CRTAP: variants seen among roughly 807,000 people sequenced by gnomAD.
CRTAP encodes cartilage associated protein, also known as cartilage-associated protein.
A neutral mutation model predicts 42.7 loss-of-function variants in CRTAP; 33 were observed. The observed-to-expected ratio is 0.77, with a 90% CI of 0.59 to 1.03. The LOEUF (loss-of-function observed/expected upper bound fraction) is 1.03, where lower values mean the gene tolerates loss of function less well. CRTAP is among the 50% of genes least tolerant of loss of function. The pLI is 0.00. For missense variants in CRTAP, 613 were observed against 533.9 expected (o/e 1.15, Z -1.46); for synonymous variants, 243 against 217.7 (o/e 1.12, Z -1.02).
At chr3:33,134,298 C>T in intron 6 of CRTAP, 33 bp downstream of exon 6, 1 of 1,386,270 alleles carries the variant, frequency 7.2e-7, no homozygotes, top group Non-Finnish European at 1.0e-6. Context: ...TGTCTGGTGG[C>T]TACGAGAAAA....
Position 33,132,652 on chromosome 3 carries a change from C to G in CRTAP, c.1020C>G (p.Tyr340Ter), listed in dbSNP as rs768954904. The change falls in exon 5 of 7, where the codon TAC (tyrosine) becomes TAG (stop). Residue 340 changes from tyrosine (Y) to a stop codon, truncating the protein, a stop_gained. Coordinates refer to ENST00000320954, the MANE Select transcript of CRTAP (RefSeq NM_006371.5). LOFTEE classifies it high-confidence loss of function. The stretch of plus-strand genomic sequence containing the variant: ...AGCAGAACCTGGTGTATTACCAGTA[C>G]CACAGGGACACTTGGGGCCTCTCGG... The part of the protein sequence containing the change: ...VMQQNLVYYQ[Y>*]HRDTWGLSDE... 3.7e-6 allele frequency: 6 copies of G among 1,614,152 alleles called. No homozygotes were observed. The highest frequency in any genetic ancestry group is 3.4e-6 in the Non-Finnish European group (4 of 1,179,978).
chr3:33,126,869 G>A (rs1375829681), intron 3 of CRTAP, among the ~76,000 whole-genome samples: 1 of 152,228 alleles, frequency 6.6e-6, no homozygotes, highest in Admixed American at 6.5e-5. Flanking sequence ...CAGGTCATAG[G>A]TAGGTGAGAG....
At chr3:33,124,971 A>G (rs948448783) in intron 3 of CRTAP, among the ~76,000 whole-genome samples, 4 of 152,238 alleles carry the variant, frequency 2.6e-5, no homozygotes, top group Admixed American at 2.6e-4. Context: ...AGTGGCCATC[A>G]CTAAGGTAGC....
rs1287639699 is a variant in CRTAP at position 33,145,413 on chromosome 3, T to TA, written c.*2966dup. On this transcript the variant is annotated 3_prime_UTR_variant, in exon 7 of 7. Transcript: ENST00000320954. The surrounding 1 kb of genome is among the most constrained non-coding windows in gnomAD (Gnocchi z 4.3). ...CCAATCCCAGCGATGCGTCAGATCT[T>TA]ACGTGGCTTCCTGCTGGGGGAGATG... 2 of 152,396 alleles carry TA rather than the reference T, an allele frequency of 1.3e-5. No individual in the cohort carries two copies. The highest frequency in any genetic ancestry group is 6.5e-5 in the Admixed American group (1 of 15,290). The allele number at this position is 152,396 out of a possible 1,614,324, so 9.4% of individuals were successfully genotyped here.
At chr3:33,142,277 A>T (rs1244449567) in intron 6 of CRTAP, 118 bp from the exon 7 acceptor site, 7 of 974,162 alleles carry the variant, frequency 7.2e-6, no homozygotes, top group Non-Finnish European at 9.8e-6. Context: ...CAGCAGAAAA[A>T]ACCTGTTTCA....
chr3:33,127,323 A>G (rs533175087), intron 3 of CRTAP, among the ~76,000 whole-genome samples: 1 of 152,258 alleles, frequency 6.6e-6, no homozygotes, highest in East Asian at 1.9e-4. Context: ...GAAGAATCAT[A>G]CAAAGAACTC....
chr3:33,141,141 T>C (rs1298643777), intron 6 of CRTAP, among the ~76,000 whole-genome samples: 1 of 152,172 alleles, frequency 6.6e-6, no homozygotes. Flanking sequence ...GCCCCAACAG[T>C]ATTCACTACA....
At chr3:33,116,572 T>A (rs931038344) in intron 1 of CRTAP, among the ~76,000 whole-genome samples, 1 of 152,188 alleles carries the variant, frequency 6.6e-6, no homozygotes, top group Non-Finnish European at 1.5e-5. Flanking sequence ...TTGGCCAGGC[T>A]GGTCTCGAAC....
At chr3:33,139,475 A>ATTT (rs554392214) in intron 6 of CRTAP, among the ~76,000 whole-genome samples, 1 of 139,144 alleles carries the variant, frequency 7.2e-6, no homozygotes. Flanking sequence ...AATTCGTTGA[A>ATTT]TTTTTTTTTT....
At chr3:33,125,154 A>T (rs2030022217) in intron 3 of CRTAP, among the ~76,000 whole-genome samples, 1 of 152,158 alleles carries the variant, frequency 6.6e-6, no homozygotes, top group South Asian at 2.1e-4. Flanking sequence ...GGGCAGCATC[A>T]CTCCAGAAAC....
chr3:33,122,709 CAAAAAA>C (rs58820155), intron 2 of CRTAP, among the ~76,000 whole-genome samples: 2 of 87,526 alleles, frequency 2.3e-5, no homozygotes, highest in Non-Finnish European at 2.2e-5. Context: ...GACTCTGTCT[CAAAAAA>C]AAAAAAAAAA....
intron 2 of CRTAP, among the ~76,000 whole-genome samples, chr3:33,123,639 T>TTG (rs1257177856): frequency 3.4e-5 from 5 of 147,186 alleles, no homozygotes; most frequent in African/African-American, 1.3e-4. Flanking sequence ...TTTTTTTTTT[T>TTG]TTTTTTTTTT....
rs990310475 is a variant in CRTAP, at chr3:33,114,023, C to T, written c.-55C>T. ...TCGCACCGTCCTCTTTCCTTTCCTT[C>T]TCCCTCCCCTTTTCCCTTCCTTCGT... On this transcript the variant is annotated 5_prime_UTR_variant, in exon 1 of 7. Transcript: ENST00000320954. 4.5e-6 allele frequency: 6 copies of T among 1,319,734 alleles called. No individual in the cohort carries two copies. The African/African-American group carries it at 6.2e-5, about 14-fold the overall frequency. The allele number at this position is 1,319,734 out of a possible 1,614,324, so 81.8% of individuals were successfully genotyped here. A position where few individuals can be genotyped will look rare whatever the true frequency, so the allele number is the denominator to read the frequency against.
intron 6 of CRTAP, 56 bp from the exon 7 acceptor site, chr3:33,142,339 G>A: frequency 6.8e-7 from 1 of 1,470,950 alleles, no homozygotes. Context: ...CTGCTCATCA[G>A]TACTTTTAAA....
At chr3:33,130,403 G>A (rs545899129) in intron 4 of CRTAP, among the ~76,000 whole-genome samples, 1 of 152,028 alleles carries the variant, frequency 6.6e-6, no homozygotes, top group Non-Finnish European at 1.5e-5. Flanking sequence ...TCCCACACTG[G>A]CACATAGCAA....
intron 6 of CRTAP, among the ~76,000 whole-genome samples, chr3:33,134,818 A>G (rs1293351311): frequency 1.3e-5 from 2 of 152,136 alleles, no homozygotes; most frequent in Admixed American, 6.5e-5. Context: ...TATTTAGAGT[A>G]TTTGTTTGGA....
chr3:33,133,618 AT>A (rs1427094946), intron 5 of CRTAP, among the ~76,000 whole-genome samples: 9 of 152,066 alleles, frequency 5.9e-5, no homozygotes, highest in African/African-American at 2.2e-4. Context: ...ATATTTGTGT[AT>A]TTTTATAAAA....
chr3:33,129,679 A>G (rs1402322190), intron 3 of CRTAP, among the ~76,000 whole-genome samples: 1 of 150,448 alleles, frequency 6.6e-6, no homozygotes, highest in African/African-American at 2.4e-5. Flanking sequence ...CTGGGACCAC[A>G]GGCGCCCACC....
chr3:33,142,334 C>A, intron 6 of CRTAP, 61 bp from the exon 7 acceptor site: 1 of 1,434,088 alleles, frequency 7.0e-7, no homozygotes, highest in Non-Finnish European at 9.8e-7. Flanking sequence ...TGTTTCTGCT[C>A]ATCAGTACTT....
Sources: gnomAD v4.1 joint callset for allele counts (sites outside exome capture counted in the v4.1 genomes callset) on GRCh38, gnomAD v4.1.1 for gene constraint, Gnocchi (gnomAD v3.1) non-coding constraint, MANE v1.5 for transcripts, NCBI Gene and HGNC (gene_info 2026-07-23, HGNC 2026-07-21) for gene names.